Variants in BAZ2B observed in about 807,000 individuals in gnomAD.
The protein encoded by BAZ2B is bromodomain adjacent to zinc finger domain 2B.
Under a neutral mutation model 246.0 loss-of-function variants are expected in BAZ2B, and 91 were observed. The observed-to-expected ratio is 0.37, with a 90% CI of 0.31 to 0.44. The LOEUF (loss-of-function observed/expected upper bound fraction) is 0.44, where lower values mean the gene tolerates loss of function less well. BAZ2B is among the 20% of genes least tolerant of loss of function. The pLI is 1.00. For missense variants in BAZ2B, 2,332 were observed against 2,533.7 expected (o/e 0.92, Z 1.71); for synonymous variants, 855 against 860.0 (o/e 0.99, Z 0.10).
At chr2:159,628,585 A>T in the BAZ2B span, among the ~76,000 whole-genome samples, 1 of 152,242 alleles carries the variant, frequency 6.6e-6, no homozygotes. Flanking sequence ...TTCCCTATTT[A>T]ATAAATGGTG....
upstream of BAZ2B, among the ~76,000 whole-genome samples, chr2:159,617,390 G>A (rs968821648): frequency 2.0e-5 from 3 of 151,430 alleles, no homozygotes; most frequent in East Asian, 5.8e-4. Context: ...ATTCCCTCCC[G>A]CACCCCATCC....
At chr2:159,391,376 G>A (rs1169595524) in intron 20 of BAZ2B, among the ~76,000 whole-genome samples, 1 of 152,086 alleles carries the variant, frequency 6.6e-6, no homozygotes, top group Non-Finnish European at 1.5e-5. Context: ...TGATGAAACT[G>A]ATTAATGACA....
chr2:159,491,062 A>G (rs1422743322), intron 2 of BAZ2B, among the ~76,000 whole-genome samples: 10 of 152,160 alleles, frequency 6.6e-5, no homozygotes, highest in Admixed American at 5.9e-4. Context: ...TATGGCTACT[A>G]TTAAGTTTAT....
intron 2 of BAZ2B, among the ~76,000 whole-genome samples, chr2:159,551,405 C>G (rs1354092843): frequency 6.9e-6 from 1 of 145,148 alleles, no homozygotes; most frequent in Admixed American, 7.1e-5. Context: ...GGAGGTGAAC[C>G]TGGCAGTGGG....
At chr2:159,477,577 G>A (rs1303554778) in intron 3 of BAZ2B, among the ~76,000 whole-genome samples, 3 of 151,840 alleles carry the variant, frequency 2.0e-5, no homozygotes, top group Admixed American at 6.6e-5. Context: ...TTATGCAAAA[G>A]TTTCCATTTT....
intron 20 of BAZ2B, among the ~76,000 whole-genome samples, chr2:159,393,132 G>A (rs2063548466): frequency 6.6e-6 from 1 of 152,094 alleles, no homozygotes; most frequent in African/African-American, 2.4e-5. Flanking sequence ...TCAGAATATA[G>A]TGCATAAGGG....
In BAZ2B at chr2:159,432,854, A is replaced by G. The variant is rs764860271; in HGVS notation, c.1803T>C (p.Ser601=). ...FRGTDSDIPS[S]KDSEDSNEDE... is the part of the protein sequence containing the mutation. ...CCTCATTTGAATCTTCAGAATCTTT[A>G]CTACTGGGAATGTCTGAATCTGTTC... is the stretch of plus-strand genomic sequence containing the variant. Residue 601 remains serine, a synonymous_variant, in exon 9 of 37, where the codon AGT becomes AGC. Transcript: ENST00000392783. 25 of 1,614,008 alleles carry G rather than the reference A, an allele frequency of 1.5e-5. No homozygotes were observed. The South Asian group carries it at 2.6e-4, about 17-fold the overall frequency.
chr2:159,433,168 C>T lies in BAZ2B; in HGVS notation c.1489G>A (p.Val497Ile), dbSNP rs1449302574. ...GCTTCTTGAATGACACTTTGAATAA[C>T]TCCATTTGGTTGGTGATTACCTAAA... ...ALLGNHQPNG[V>I]IQSVIQEAPL... is the part of the protein sequence containing the mutation. The change falls in exon 9 of 37, where the codon GTT becomes ATT. Residue 497 changes from valine (V) to isoleucine (I), a missense_variant. This residue lies in a region of BAZ2B where 651 missense variants were observed against 650.9 expected (regional missense o/e 1.00). Coordinates refer to ENST00000392783, the MANE Select transcript of BAZ2B (RefSeq NM_013450.4). 6.2e-7 allele frequency: 1 copy of T among 1,614,182 alleles called. No individual in the cohort carries two copies. Among genetic ancestry groups the T allele is most frequent in the Non-Finnish European group, 8.5e-7 (1 of 1,180,024 alleles).
At chr2:159,321,567 T>C (rs1173076075) in intron 36 of BAZ2B, among the ~76,000 whole-genome samples, 1 of 152,174 alleles carries the variant, frequency 6.6e-6, no homozygotes, top group Non-Finnish European at 1.5e-5. Context: ...TGGCGCACCA[T>C]TCAGCCATAA....
At chr2:159,674,070 C>T in the BAZ2B span, among the ~76,000 whole-genome samples, 1 of 151,678 alleles carries the variant, frequency 6.6e-6, no homozygotes, top group Non-Finnish European at 1.5e-5. Flanking sequence ...ACGTCAGATG[C>T]AGTGGCTGAT....
the BAZ2B span, among the ~76,000 whole-genome samples, chr2:159,633,076 G>A: frequency 1.3e-5 from 2 of 151,654 alleles, no homozygotes; most frequent in African/African-American, 2.4e-5. Flanking sequence ...TGAATTGTAT[G>A]ATACTGCTGT....
intron 1 of BAZ2B, among the ~76,000 whole-genome samples, chr2:159,580,582 A>G (rs1305473035): frequency 6.6e-6 from 1 of 152,208 alleles, no homozygotes; most frequent in Non-Finnish European, 1.5e-5. Flanking sequence ...GTTCATATGG[A>G]ACCAAAAAAG....
intron 3 of BAZ2B, among the ~76,000 whole-genome samples, chr2:159,472,651 T>C (rs757331586): frequency 6.6e-6 from 1 of 152,234 alleles, no homozygotes; most frequent in Non-Finnish European, 1.5e-5. Flanking sequence ...TATTTGGAGA[T>C]AGGTTCCATC....
At chr2:159,341,854 G>A (rs1319983411) in intron 31 of BAZ2B, among the ~76,000 whole-genome samples, 1 of 151,972 alleles carries the variant, frequency 6.6e-6, no homozygotes, top group African/African-American at 2.4e-5. Context: ...AAAATGTATG[G>A]GACACAGCAA....
chr2:159,497,782 C>T (rs1163823500), intron 2 of BAZ2B, among the ~76,000 whole-genome samples: 1 of 152,130 alleles, frequency 6.6e-6, no homozygotes, highest in East Asian at 1.9e-4. Flanking sequence ...CTGTTCCCTG[C>T]CAACGAAAGA....
Position 159,478,479 on chromosome 2 carries a change from C to T in BAZ2B, c.145+96G>A, listed in dbSNP as rs540285091. The stretch of plus-strand genomic sequence containing the variant: ...CTAGCCTTTATTCAACAGGTCAATG[C>T]AAGTCATGAGAATATTTTATTCAGT... On this transcript the variant is annotated intron_variant, in intron 3 of 36. Transcript: ENST00000392783. 1.0e-4 allele frequency: 141 copies of T among 1,343,526 alleles called. No homozygotes were observed. The African/African-American group carries it at 2.0e-3, about 20-fold the overall frequency. The allele number at this position is 1,343,526 out of a possible 1,614,324, so 83.2% of individuals were successfully genotyped here. A position where few individuals can be genotyped will look rare whatever the true frequency, so the allele number is the denominator to read the frequency against.
intron 3 of BAZ2B, among the ~76,000 whole-genome samples, chr2:159,469,868 G>A (rs372695183): frequency 6.6e-6 from 1 of 152,078 alleles, no homozygotes; most frequent in East Asian, 1.9e-4. Flanking sequence ...CAAACATTTA[G>A]AGAAAAAATA....
intron 16 of BAZ2B, among the ~76,000 whole-genome samples, chr2:159,402,795 C>T (rs1422990908): frequency 6.6e-6 from 1 of 152,126 alleles, no homozygotes; most frequent in Non-Finnish European, 1.5e-5. Flanking sequence ...GTAGTGTTAT[C>T]ATTAGCATGC....
Position 159,350,077 on chromosome 2 carries a change from C to A in BAZ2B, c.4494G>T (p.Leu1498Phe). 1 of 1,614,136 alleles carries A rather than the reference C, an allele frequency of 6.2e-7. No homozygotes were observed. Among genetic ancestry groups the A allele is most frequent in the East Asian group, 2.2e-5 (1 of 44,888 alleles). ...KPNAGANGCT[L>F]SYQNSGKHSL... ...AATGTTTTCCACTGTTCTGATAAGA[C>A]AACGTGCACCCATTTGCACCAGCAT... The change falls in exon 28 of 37, where the codon TTG (leucine) becomes TTT (phenylalanine). Residue 1498 changes from leucine to phenylalanine, a missense_variant. Physicochemically the swap from Leu to Phe is conservative, Grantham distance 22 (BLOSUM62 0). Transcript: ENST00000392783.
Sources: allele counts gnomAD v4.1 joint callset (sites outside exome capture counted in the v4.1 genomes callset), GRCh38; gene constraint gnomAD v4.1.1; regional missense constraint gnomAD v4.1.1; transcripts MANE v1.5; gene names NCBI Gene and HGNC (gene_info 2026-07-23, HGNC 2026-07-21).